Variants in MAP6 observed in about 807,000 individuals in gnomAD.
MAP6 encodes microtubule-associated protein 6.
MAP6 carries 26 observed loss-of-function variants against 42.4 expected under a neutral mutation model. The ratio of observed to expected loss-of-function variants is 0.61; its 90% CI spans 0.45 to 0.85. MAP6 has a LOEUF of 0.85. MAP6 is among the 40% of genes least tolerant of loss of function. MAP6 has a pLI of 0.00. For missense variants in MAP6, 966 were observed against 1,099.0 expected, an observed-to-expected ratio of 0.88 and a Z score of 1.71; for synonymous variants, 418 against 443.8, an observed-to-expected ratio of 0.94 and a Z score of 0.73.
At chr11:75,660,528 C>A (rs1036806787) in intron 1 of MAP6, among the ~76,000 whole-genome samples, 4 of 152,198 alleles carry the variant, frequency 2.6e-5, no homozygotes, top group African/African-American at 9.6e-5. Flanking sequence ...GCCATATCCT[C>A]TTCTTTGCAT....
chr11:75,606,155 C>A, intron 2 of MAP6, 151 bp from the exon 3 acceptor site: 1 of 899,072 alleles, frequency 1.1e-6, no homozygotes, highest in Non-Finnish European at 1.6e-6. Context: ...TTCCCAAGGA[C>A]ATTAGGGCAT....
chr11:75,595,981 T>A (rs887251487), intron 3 of MAP6, among the ~76,000 whole-genome samples: 3 of 152,204 alleles, frequency 2.0e-5, no homozygotes, highest in African/African-American at 7.2e-5. Context: ...GGAGGCCTAC[T>A]TTCTCAATGA....
intron 1 of MAP6, among the ~76,000 whole-genome samples, chr11:75,643,167 T>C (rs972014777): frequency 2.0e-5 from 3 of 151,682 alleles, no homozygotes; most frequent in Non-Finnish European, 4.4e-5. Context: ...TATTTGTAAA[T>C]TGCGTGTTCA....
chr11:75,643,027 T>A, intron 1 of MAP6: 1 of 275,282 alleles, frequency 3.6e-6, no homozygotes, highest in Non-Finnish European at 7.7e-6. Context: ...GTATTCATAG[T>A]CTATTTTGTG....
chr11:75,641,211 A>G (rs1183324970), intron 1 of MAP6, among the ~76,000 whole-genome samples: 1 of 151,876 alleles, frequency 6.6e-6, no homozygotes, highest in Non-Finnish European at 1.5e-5. Context: ...GGAAACCATC[A>G]TTCTCAGCAA....
At chr11:75,646,126 G>C (rs749557247) in intron 1 of MAP6, among the ~76,000 whole-genome samples, 1 of 151,996 alleles carries the variant, frequency 6.6e-6, no homozygotes, top group Non-Finnish European at 1.5e-5. Flanking sequence ...CAAACACAGA[G>C]AGAAATCTTA....
intron 1 of MAP6, among the ~76,000 whole-genome samples, chr11:75,650,045 C>T (rs1470641319): frequency 6.6e-6 from 1 of 152,178 alleles, no homozygotes; most frequent in Middle Eastern, 3.2e-3. Context: ...CATGAGCTCC[C>T]TCCCTCTTCA....
At position 75,667,500 on chromosome 11, in the gene MAP6, G is replaced by A. The variant is rs756424562; in HGVS notation, c.870C>T (p.Arg290=). Residue 290 remains arginine (R), a synonymous_variant, in exon 1 of 4, where the codon CGC becomes CGT. Coordinates refer to ENST00000304771, the MANE Select transcript of MAP6 (RefSeq NM_033063.2). The surrounding 1 kb of genome is among the most constrained non-coding windows in gnomAD (Gnocchi z 5.6). ...AAADALNRQI[R]EEVASAVSSS... Reference sequence around the variant, plus strand: ...TGCTCACTGCACTCGCCACCTCCTCGCGGATTTGCCGGTTGAGGGCGTCCG... The same window carrying A: ...TGCTCACTGCACTCGCCACCTCCTCACGGATTTGCCGGTTGAGGGCGTCCG... The A allele has an allele frequency of 1.3e-5, 19 of 1,510,764 alleles. 1 individual carries two copies. The highest frequency in any genetic ancestry group is 4.5e-4 in the Middle Eastern group (2 of 4,420). The allele number at this position is 1,510,764 out of a possible 1,614,324, so 93.6% of individuals were successfully genotyped here. A position where few individuals can be genotyped will look rare whatever the true frequency, so the allele number is the denominator to read the frequency against.
At position 75,602,972 on chromosome 11, in the gene MAP6, T is replaced by C. The variant is rs887541368; in HGVS notation, c.1316+2836A>G. ...CAATCAATTGGCTATACATGAATAT[T>C]TTTGTCATTCTCTTACAGCAGGAAT... On this transcript the variant is annotated intron_variant, in intron 3 of 3. Coordinates refer to ENST00000304771, the MANE Select transcript of MAP6 (RefSeq NM_033063.2). 9.8e-5 allele frequency: 97 copies of C among 985,810 alleles called. No homozygotes were observed. The African/African-American group carries it at 1.6e-3, about 16-fold the overall frequency. 61.1% of individuals were successfully genotyped at this position (985,810 alleles called of 1,614,324 possible). A position where few individuals can be genotyped will look rare whatever the true frequency, so the allele number is the denominator to read the frequency against.
At chr11:75,618,370 G>A (rs1476555704) in intron 1 of MAP6, among the ~76,000 whole-genome samples, 2 of 152,244 alleles carry the variant, frequency 1.3e-5, no homozygotes, top group African/African-American at 4.8e-5. Flanking sequence ...ACTTTGGGAG[G>A]CTGAGGTGGG....
rs1942369998 is a variant in MAP6 at position 75,587,185 on chromosome 11, A to ACCT, written c.2313_2315dup (p.Gly772dup). The ACCT allele has an allele frequency of 2.5e-6, 4 of 1,613,922 alleles. No individual in the cohort carries two copies. In the African/African-American group the frequency reaches 4.0e-5, roughly 16 times the overall value. Reference sequence around the variant, plus strand: ...TCTTCAGAGGTTCAGGGACTGCAGGACCTTGGTCCTTTGCTGGTACTGGCA... The same window carrying ACCT: ...TCTTCAGAGGTTCAGGGACTGCAGGACCTCCTTGGTCCTTTGCTGGTACTGGCA... On this transcript the variant is annotated inframe_insertion, in exon 4 of 4. Coordinates refer to ENST00000304771, the MANE Select transcript of MAP6 (RefSeq NM_033063.2).
intron 3 of MAP6, among the ~76,000 whole-genome samples, chr11:75,589,661 TG>T (rs1942441053): frequency 6.6e-6 from 1 of 152,210 alleles, no homozygotes; most frequent in Admixed American, 6.5e-5. Context: ...TTAGTGTGCC[TG>T]GCACATAGTA....
At chr11:75,644,724 A>AATT (rs1358935449) in intron 1 of MAP6, among the ~76,000 whole-genome samples, 1 of 152,260 alleles carries the variant, frequency 6.6e-6, no homozygotes, top group African/African-American at 2.4e-5. Flanking sequence ...GAAAGATTGT[A>AATT]AAGGCAGAGA....
In MAP6 at chr11:75,594,931, G is replaced by A. The variant is rs556843575; in HGVS notation, c.1317-6747C>T. 4.6e-5 allele frequency among the ~76,000 whole-genome samples: 7 copies of A among 152,282 alleles called. No homozygotes were observed. In the South Asian group the frequency reaches 6.2e-4, roughly 14 times the overall value. ...TCCAAGCTGGGCCCTAAGCCTTATC[G>A]GCCTGTGTCTCTTCAAACCAGAGAG... On this transcript the variant is annotated intron_variant, in intron 3 of 3. Transcript: ENST00000304771.
At chr11:75,601,825 C>G (rs1358300269) in intron 3 of MAP6, among the ~76,000 whole-genome samples, 1 of 150,434 alleles carries the variant, frequency 6.6e-6, no homozygotes, top group Non-Finnish European at 1.5e-5. Flanking sequence ...TGTTTGATGG[C>G]CCCCCTCCGA....
chr11:75,623,491 C>T (rs563281683), intron 1 of MAP6, among the ~76,000 whole-genome samples: 1 of 152,340 alleles, frequency 6.6e-6, no homozygotes, highest in Admixed American at 6.5e-5. Context: ...CCTGACACCC[C>T]TCCCTTTGCA....
intron 3 of MAP6, chr11:75,604,453 C>G (rs540939255): frequency 9.1e-6 from 9 of 985,308 alleles, no homozygotes; most frequent in Non-Finnish European, 9.6e-6. Context: ...GGCTTGACAC[C>G]GGACGGCAGC....
chr11:75,663,786 C>T (rs1413860215), intron 1 of MAP6, among the ~76,000 whole-genome samples: 1 of 152,214 alleles, frequency 6.6e-6, no homozygotes, highest in Non-Finnish European at 1.5e-5. Flanking sequence ...GGCAGTTCTG[C>T]ACAGCATAAA....
chr11:75,617,021 C>T (rs561185652), intron 1 of MAP6, among the ~76,000 whole-genome samples: 44 of 152,284 alleles, frequency 2.9e-4, no homozygotes, highest in African/African-American at 7.7e-4. Context: ...GTATGGGTAA[C>T]ATCTGGCAAT....
Sources: allele counts gnomAD v4.1 joint callset (sites outside exome capture counted in the v4.1 genomes callset), GRCh38; gene constraint gnomAD v4.1.1; non-coding constraint Gnocchi (gnomAD v3.1); transcripts MANE v1.5; gene names NCBI Gene and HGNC (gene_info 2026-07-23, HGNC 2026-07-21).